The following TSC22D1 variants were observed in gnomAD, a reference collection of about 807,000 sequenced individuals.
TSC22D1 encodes TSC22 domain family protein 1.
Under a neutral mutation model 74.2 loss-of-function variants are expected in TSC22D1, and 9 were observed. The observed-to-expected ratio is 0.12, with a 90% confidence interval of 0.07 to 0.21. The LOEUF (loss-of-function observed/expected upper bound fraction) is 0.21, where lower values mean the gene tolerates loss of function less well. TSC22D1 is among the 10% of genes least tolerant of loss of function. The probability of loss-of-function intolerance (pLI) is 1.00; values close to 1 mark genes in which losing one functional copy is unlikely to be tolerated. For synonymous variants in TSC22D1, 586 were observed against 492.5 expected (o/e 1.19, Z -2.51); for missense variants, 1,427 against 1,304.7 (o/e 1.09, Z -1.44).
At chr13:44,551,123 G>A (rs923264039) in intron 1 of TSC22D1, among the ~76,000 whole-genome samples, 1 of 151,696 alleles carries the variant, frequency 6.6e-6, no homozygotes, top group Non-Finnish European at 1.5e-5. Context: ...ACAAAAGCAA[G>A]AATTAGGCAT....
intron 1 of TSC22D1, among the ~76,000 whole-genome samples, chr13:44,449,231 T>G (rs1875931802): frequency 6.6e-6 from 1 of 152,150 alleles, no homozygotes; most frequent in African/African-American, 2.4e-5. Flanking sequence ...GGTCTACAGT[T>G]TGAGAAGGTG....
rs1379798590 is a variant in TSC22D1 at position 44,543,438 on chromosome 13, T to A, written c.2912+29725A>T. 2.0e-5 allele frequency among the ~76,000 whole-genome samples: 3 copies of A among 152,260 alleles called. No homozygotes were observed. In the East Asian group the frequency reaches 5.8e-4, roughly 29 times the overall value. On this transcript the variant is annotated intron_variant, in intron 1 of 2. Coordinates refer to ENST00000458659, the MANE Select transcript of TSC22D1 (RefSeq NM_183422.4). ...TAAATTTACCGATTATTCATTAACC[T>A]GGACATTCTACATACATTGGAAGTA...
At chr13:44,453,844 C>T (rs868468762) in intron 1 of TSC22D1, among the ~76,000 whole-genome samples, 3 of 152,136 alleles carry the variant, frequency 2.0e-5, no homozygotes, top group African/African-American at 7.2e-5. Context: ...ATAAGAAATG[C>T]TCCTAATTGA....
At chr13:44,445,918 T>A (rs1301777478) in intron 1 of TSC22D1, among the ~76,000 whole-genome samples, 5 of 152,208 alleles carry the variant, frequency 3.3e-5, no homozygotes, top group Non-Finnish European at 7.3e-5. Flanking sequence ...GGAACACATA[T>A]ATTGATGGTG....
intron 1 of TSC22D1, among the ~76,000 whole-genome samples, chr13:44,455,657 C>T (rs535182415): frequency 2.8e-4 from 43 of 152,290 alleles, no homozygotes; most frequent in African/African-American, 9.1e-4. Context: ...ACTAGATATG[C>T]AATGATAGCT....
At chr13:44,437,195 C>T (rs1479532560) in intron 1 of TSC22D1, 1 of 985,528 alleles carries the variant, frequency 1.0e-6, no homozygotes, top group South Asian at 4.7e-5. Context: ...AGTCAGACCC[C>T]GGTCCCCGGA....
At chr13:44,530,384 C>T (rs183747900) in intron 1 of TSC22D1, among the ~76,000 whole-genome samples, 17 of 152,092 alleles carry the variant, frequency 1.1e-4, no homozygotes, top group African/African-American at 3.1e-4. Flanking sequence ...ACAAACCTTA[C>T]CCCTTTCACA....
rs983864663 is a variant in TSC22D1 at position 44,432,145 on chromosome 13, T to C, written c.*2481A>G. The C allele has an allele frequency of 2.1e-4, 32 of 152,370 alleles. No individual in the cohort carries two copies. The highest frequency in any genetic ancestry group is 7.0e-4 in the African/African-American group (29 of 41,596). The allele number at this position is 152,370 out of a possible 1,614,324, so 9.4% of individuals were successfully genotyped here. A position where few individuals can be genotyped will look rare whatever the true frequency, so the allele number is the denominator to read the frequency against. ...TAATTACTAAAATGAGGAACATGTA[T>C]GGAAAGACATCTTTTAATAATTCAT... is the stretch of plus-strand genomic sequence containing the variant. On this transcript the variant is annotated 3_prime_UTR_variant, in exon 3 of 3. Coordinates refer to ENST00000458659, the MANE Select transcript of TSC22D1 (RefSeq NM_183422.4).
At chr13:44,510,876 C>T (rs1327297276) in intron 1 of TSC22D1, among the ~76,000 whole-genome samples, 1 of 152,076 alleles carries the variant, frequency 6.6e-6, no homozygotes, top group African/African-American at 2.4e-5. Flanking sequence ...ATTACAGGCA[C>T]GAGCCATCAT....
At chr13:44,555,034 G>A (rs1882537364) in intron 1 of TSC22D1, among the ~76,000 whole-genome samples, 1 of 151,186 alleles carries the variant, frequency 6.6e-6, no homozygotes, top group South Asian at 2.1e-4. Flanking sequence ...TCTACATATT[G>A]GATCAATTTC....
intron 1 of TSC22D1, among the ~76,000 whole-genome samples, chr13:44,453,253 C>T (rs141320779): frequency 1.3e-3 from 202 of 150,410 alleles, no homozygotes; most frequent in African/African-American, 4.6e-3. Flanking sequence ...TGCATACTAA[C>T]AGCGCACTTA....
At chr13:44,562,476 A>G (rs559848473) in intron 1 of TSC22D1, among the ~76,000 whole-genome samples, 2 of 152,362 alleles carry the variant, frequency 1.3e-5, no homozygotes, top group South Asian at 4.1e-4. Flanking sequence ...ATATCAGCAA[A>G]ATAACCAAAA....
chr13:44,568,560 C>T (rs1339729328), intron 1 of TSC22D1, among the ~76,000 whole-genome samples: 2 of 152,154 alleles, frequency 1.3e-5, no homozygotes, highest in East Asian at 1.9e-4. Context: ...TAATCTCAAA[C>T]TCCTGGCCTC....
intron 1 of TSC22D1, among the ~76,000 whole-genome samples, chr13:44,474,783 A>C (rs1435329484): frequency 2.0e-5 from 3 of 151,996 alleles, no homozygotes; most frequent in Non-Finnish European, 4.4e-5. Flanking sequence ...GGAGGGAGGG[A>C]GAGGAAAGGG....
chr13:44,478,030 C>G (rs1025250289), intron 1 of TSC22D1, among the ~76,000 whole-genome samples: 1 of 151,658 alleles, frequency 6.6e-6, no homozygotes, highest in Non-Finnish European at 1.5e-5. Flanking sequence ...AAGTAAAGTC[C>G]TTATATAAAA....
At chr13:44,456,672 C>T (rs1484196036) in intron 1 of TSC22D1, among the ~76,000 whole-genome samples, 2 of 151,874 alleles carry the variant, frequency 1.3e-5, no homozygotes, top group African/African-American at 4.8e-5. Flanking sequence ...ACTGAAGAAA[C>T]TTGTAAAATC....
At chr13:44,519,167 A>G (rs1307377694) in intron 1 of TSC22D1, among the ~76,000 whole-genome samples, 10 of 152,206 alleles carry the variant, frequency 6.6e-5, no homozygotes, top group African/African-American at 2.4e-4. Flanking sequence ...GATTTCAACA[A>G]TATCATTGTG....
chr13:44,476,625 G>A (rs1877926089), intron 1 of TSC22D1, among the ~76,000 whole-genome samples: 1 of 152,116 alleles, frequency 6.6e-6, no homozygotes, highest in South Asian at 2.1e-4. Flanking sequence ...TATGATGGCT[G>A]TTTTCTATAG....
In TSC22D1 at chr13:44,434,432, CAACT is replaced by C; in HGVS notation, c.*190_*193del. 3.0e-6 allele frequency: 4 copies of C among 1,354,400 alleles called. No individual in the cohort carries two copies. Among genetic ancestry groups the C allele is most frequent in the Non-Finnish European group, 2.8e-6 (3 of 1,061,246 alleles). 83.9% of individuals were successfully genotyped at this position (1,354,400 alleles called of 1,614,324 possible). On this transcript the variant is annotated 3_prime_UTR_variant, in exon 3 of 3. Transcript: ENST00000458659. ...TTCTCGGATTAACCTTTAATTCACC[CAACT>C]AAGAAATTTCTCCAAGCCATAAGCA...
Sources: gnomAD v4.1 joint callset for allele counts (sites outside exome capture counted in the v4.1 genomes callset) on GRCh38, gnomAD v4.1.1 for gene constraint, MANE v1.5 for transcripts, NCBI Gene and HGNC (gene_info 2026-07-23, HGNC 2026-07-21) for gene names.